PTPRD: variants seen among roughly 807,000 people sequenced by gnomAD.
PTPRD encodes the protein receptor-type tyrosine-protein phosphatase delta.
Under a neutral mutation model 214.5 loss-of-function variants are expected in PTPRD, and 34 were observed. The ratio of observed to expected loss-of-function variants is 0.16; its 90% confidence interval spans 0.12 to 0.21. The LOEUF is 0.21. PTPRD is among the 10% of genes least tolerant of loss of function. The probability of loss-of-function intolerance (pLI) is 1.00; values close to 1 mark genes in which losing one functional copy is unlikely to be tolerated. For synonymous variants in PTPRD, 1,128 were observed against 845.7 expected (o/e 1.33, Z -5.79); for missense variants, 2,545 against 2,398.7 (o/e 1.06, Z -1.27).
At chr9:8,603,637 G>A (rs901263290) in intron 14 of PTPRD, among the ~76,000 whole-genome samples, 2 of 152,100 alleles carry the variant, frequency 1.3e-5, no homozygotes, top group Non-Finnish European at 1.5e-5. Flanking sequence ...GCAGTTAGAC[G>A]ATTAATCAAC....
intron 2 of PTPRD, among the ~76,000 whole-genome samples, chr9:10,582,654 T>C (rs79093854): frequency 0.053 from 8,032 of 152,290 alleles, 327 homozygotes; most frequent in Middle Eastern, 0.14. Context: ...ATCCATTTAG[T>C]ATACCCTTAT....
intron 3 of PTPRD, among the ~76,000 whole-genome samples, chr9:10,261,939 G>T (rs1046476113): frequency 6.6e-6 from 1 of 152,046 alleles, no homozygotes; most frequent in Non-Finnish European, 1.5e-5. Context: ...CTCTTAGATT[G>T]TTTTGAGGAG....
intron 11 of PTPRD, among the ~76,000 whole-genome samples, chr9:8,962,520 G>C (rs1337582688): frequency 7.0e-6 from 1 of 143,846 alleles, no homozygotes; most frequent in Non-Finnish European, 1.5e-5. Context: ...TAAAAAAGGA[G>C]AAAAGGAAGA....
intron 2 of PTPRD, among the ~76,000 whole-genome samples, chr9:10,465,232 T>C (rs2098985557): frequency 6.6e-6 from 1 of 152,192 alleles, no homozygotes; most frequent in African/African-American, 2.4e-5. Context: ...AACAGACATT[T>C]GTTTGCTTAT....
chr9:9,754,664 C>G (rs1414342869), intron 6 of PTPRD, among the ~76,000 whole-genome samples: 1 of 151,982 alleles, frequency 6.6e-6, no homozygotes, highest in South Asian at 2.1e-4. Flanking sequence ...TTACATTAAC[C>G]TAATCACAAA....
At chr9:8,534,535 G>C (rs1318402496) in intron 14 of PTPRD, among the ~76,000 whole-genome samples, 1 of 151,742 alleles carries the variant, frequency 6.6e-6, no homozygotes, top group Non-Finnish European at 1.5e-5. Flanking sequence ...CGGGTGGAAA[G>C]ACTGAGTGAG....
At chr9:9,086,825 G>T (rs1284421337) in intron 10 of PTPRD, among the ~76,000 whole-genome samples, 1 of 152,118 alleles carries the variant, frequency 6.6e-6, no homozygotes, top group Non-Finnish European at 1.5e-5. Context: ...GACTTCTGGG[G>T]AATTGGGCCA....
chr9:9,869,347 C>T (rs2064845670), intron 5 of PTPRD, among the ~76,000 whole-genome samples: 1 of 152,032 alleles, frequency 6.6e-6, no homozygotes, highest in Non-Finnish European at 1.5e-5. Flanking sequence ...TGTGGTTAGA[C>T]CATGATTATT....
chr9:9,391,258 C>A (rs1409239210), intron 9 of PTPRD, among the ~76,000 whole-genome samples: 1 of 151,966 alleles, frequency 6.6e-6, no homozygotes. Context: ...TTTGTGTAGC[C>A]AGTTTTCAAA....
At chr9:9,245,365 A>G (rs901434168) in intron 9 of PTPRD, among the ~76,000 whole-genome samples, 1 of 152,196 alleles carries the variant, frequency 6.6e-6, no homozygotes, top group Non-Finnish European at 1.5e-5. Context: ...ACTTGGAACC[A>G]ACCCAAATTT....
chr9:10,114,946 C>G (rs1486189687), intron 3 of PTPRD, among the ~76,000 whole-genome samples: 8 of 151,478 alleles, frequency 5.3e-5, no homozygotes, highest in African/African-American at 1.9e-4. Flanking sequence ...GCTATTACCA[C>G]TGTGCCTTAC....
At chr9:8,722,383 A>G (rs2098510342) in intron 12 of PTPRD, among the ~76,000 whole-genome samples, 1 of 152,182 alleles carries the variant, frequency 6.6e-6, no homozygotes, top group African/African-American at 2.4e-5. Context: ...AACACCATGT[A>G]CTATTTTAGA....
intron 10 of PTPRD, among the ~76,000 whole-genome samples, chr9:9,119,349 T>C (rs324540): frequency 0.54 from 81,434 of 151,508 alleles, 22,436 homozygotes; most frequent in Non-Finnish European, 0.6. Flanking sequence ...AGAAATCTGA[T>C]TTAGCAAAAA....
intron 32 of PTPRD, among the ~76,000 whole-genome samples, chr9:8,462,648 T>G (rs990415979): frequency 1.3e-5 from 2 of 151,952 alleles, no homozygotes; most frequent in African/African-American, 4.8e-5. Flanking sequence ...ATTTAGCTCC[T>G]GAAATTGAAC....
intron 11 of PTPRD, among the ~76,000 whole-genome samples, 156 bp downstream of exon 11, chr9:9,018,541 G>C (rs1455338918): frequency 6.6e-6 from 1 of 152,052 alleles, no homozygotes; most frequent in African/African-American, 2.4e-5. Context: ...CAAATAATTT[G>C]AAAGTGTTGA....
chr9:8,383,342 T>C (rs962121844), intron 37 of PTPRD, among the ~76,000 whole-genome samples: 4 of 152,126 alleles, frequency 2.6e-5, no homozygotes, highest in Non-Finnish European at 4.4e-5. Flanking sequence ...GTCAGAAGTG[T>C]TCCACCAGCC....
At chr9:10,557,089 A>C (rs903233614) in intron 2 of PTPRD, among the ~76,000 whole-genome samples, 1 of 152,124 alleles carries the variant, frequency 6.6e-6, no homozygotes, top group Admixed American at 6.6e-5. Flanking sequence ...AAATTACACC[A>C]TGGCTTTCAT....
At position 9,603,512 on chromosome 9, in the gene PTPRD, G is replaced by A. The variant is rs113372637; in HGVS notation, c.-286-28731C>T. ...GTCCTTGGCCTGTCAGGAACCAGGCGGCATACCCGGAAGTGAGCAGCAGGC... is the reference window on the plus strand; with the variant it reads ...GTCCTTGGCCTGTCAGGAACCAGGCAGCATACCCGGAAGTGAGCAGCAGGC... On this transcript the variant is annotated intron_variant, in intron 7 of 45. Coordinates refer to ENST00000381196, the MANE Select transcript of PTPRD (RefSeq NM_002839.4). 4.7e-4 allele frequency among the ~76,000 whole-genome samples: 71 copies of A among 152,202 alleles called. 1 individual carries two copies. Among genetic ancestry groups the A allele is most frequent in the Middle Eastern group, 3.4e-3 (1 of 294 alleles).
intron 9 of PTPRD, among the ~76,000 whole-genome samples, chr9:9,384,262 T>C (rs1169818720): frequency 6.6e-6 from 1 of 150,842 alleles, no homozygotes; most frequent in African/African-American, 2.4e-5. Flanking sequence ...TACCATGTTG[T>C]GTATTGTAAA....
Sources: allele counts gnomAD v4.1 joint callset (sites outside exome capture counted in the v4.1 genomes callset), GRCh38; gene constraint gnomAD v4.1.1; transcripts MANE v1.5; gene names NCBI Gene and HGNC (gene_info 2026-07-23, HGNC 2026-07-21).